DLAT: variants seen among roughly 807,000 people sequenced by gnomAD.
DLAT encodes dihydrolipoyllysine-residue acetyltransferase component of pyruvate dehydrogenase complex, mitochondrial.
In DLAT, 43 loss-of-function variants were observed where a neutral mutation model predicts 68.0. The observed-to-expected ratio is 0.63, with a 90% CI of 0.50 to 0.81. The LOEUF (loss-of-function observed/expected upper bound fraction) is 0.81. DLAT is among the 40% of genes least tolerant of loss of function. The pLI is 0.00. For missense variants in DLAT, 745 were observed against 815.4 expected (o/e 0.91, Z 1.05); for synonymous variants, 265 against 288.6 (o/e 0.92, Z 0.83).
intron 10 of DLAT, among the ~76,000 whole-genome samples, chr11:112,046,260 C>T (rs1215209187): frequency 6.6e-6 from 1 of 151,966 alleles, no homozygotes; most frequent in Non-Finnish European, 1.5e-5. Context: ...TTCTTATATT[C>T]AGGTCTTTGC....
intron 8 of DLAT, 97 bp from the exon 9 acceptor site, chr11:112,045,041 C>CCA (rs1555181320): frequency 6.3e-6 from 5 of 790,026 alleles, no homozygotes; most frequent in Non-Finnish European, 1.1e-5. Flanking sequence ...TCTCAAAAGA[C>CCA]AAAAAAAAAA....
At chr11:112,047,152 G>A (rs186726606) in intron 10 of DLAT, among the ~76,000 whole-genome samples, 3 of 152,090 alleles carry the variant, frequency 2.0e-5, no homozygotes, top group Non-Finnish European at 4.4e-5. Flanking sequence ...TTTAGTGATC[G>A]CCATTGTAAC....
chr11:112,027,349 G>A lies in DLAT; in HGVS notation c.381+1050G>A, dbSNP rs1476087651. Among the ~76,000 whole-genome samples the A allele has an allele frequency of 2.1e-3, 312 of 149,742 alleles. 4 individuals are homozygous for A. The highest frequency in any genetic ancestry group is 6.5e-3 in the African/African-American group (261 of 39,984). On this transcript the variant is annotated intron_variant, in intron 2 of 13. Coordinates refer to ENST00000280346, the MANE Select transcript of DLAT (RefSeq NM_001931.5). The stretch of plus-strand genomic sequence containing the variant: ...CCCACATCTCAGACGATGGGCGGCC[G>A]GGCAGAGGCGCTCCTCACTTCCTAG...
At chr11:112,036,185 GTGTGTGTGTGTGTGTGTTTTTTTTTTTTT>G (rs1862736706) in intron 5 of DLAT, among the ~76,000 whole-genome samples, 1 of 72,910 alleles carries the variant, frequency 1.4e-5, no homozygotes, top group African/African-American at 5.8e-5. Context: ...GTGTGTGTGT[GTGTGTGTGTGTGTGTGTTTTTTTTTTTTT>G]TTTTTTTTTT....
intron 5 of DLAT, among the ~76,000 whole-genome samples, chr11:112,033,782 A>G (rs1240938347): frequency 6.6e-6 from 1 of 152,012 alleles, no homozygotes; most frequent in Non-Finnish European, 1.5e-5. Context: ...CGGTGGCAAG[A>G]TCATAGCTCA....
In DLAT at chr11:112,027,144, G is replaced by A. The variant is rs587712423; in HGVS notation, c.381+845G>A. 1.9e-4 allele frequency among the ~76,000 whole-genome samples: 29 copies of A among 151,608 alleles called. No individual in the cohort carries two copies. In the East Asian group the frequency reaches 5.3e-3, roughly 28 times the overall value. ...CGGAGGGGCTCCTCACTTCTCAGACGGGGTGGCTGCCGGGCGGAGGGGCTC... is the reference window on the plus strand; with the variant it reads ...CGGAGGGGCTCCTCACTTCTCAGACAGGGTGGCTGCCGGGCGGAGGGGCTC... On this transcript the variant is annotated intron_variant, in intron 2 of 13. Coordinates refer to ENST00000280346, the MANE Select transcript of DLAT (RefSeq NM_001931.5).
At chr11:112,057,930 C>G (rs1555182744) in intron 11 of DLAT, among the ~76,000 whole-genome samples, 1 of 152,104 alleles carries the variant, frequency 6.6e-6, no homozygotes, top group Non-Finnish European at 1.5e-5. Flanking sequence ...TTTTGTTAGT[C>G]ACGATGCTAT....
At chr11:112,026,609 C>T (rs1163314107) in intron 2 of DLAT, among the ~76,000 whole-genome samples, 3 of 152,270 alleles carry the variant, frequency 2.0e-5, no homozygotes, top group African/African-American at 7.2e-5. Flanking sequence ...TGAGTGGACA[C>T]AGCACATGTT....
chr11:112,057,630 T>C lies in DLAT; in HGVS notation c.1515-2273T>C, dbSNP rs141027864. 1.5e-4 allele frequency among the ~76,000 whole-genome samples: 23 copies of C among 152,300 alleles called. No individual in the cohort carries two copies. The East Asian group carries it at 4.2e-3, about 28-fold the overall frequency. ...AGAGCAAGGCCCTAACTCTCTTCAA[T>C]TCTTTGAAGGCTGATAGAGGTGAGG... On this transcript the variant is annotated intron_variant, in intron 11 of 13. Coordinates refer to ENST00000280346, the MANE Select transcript of DLAT (RefSeq NM_001931.5).
At chr11:112,028,311 C>T (rs587650222) in intron 2 of DLAT, among the ~76,000 whole-genome samples, 326 of 150,604 alleles carry the variant, frequency 2.2e-3, no homozygotes, top group Admixed American at 3.9e-3. Context: ...CCCAGCTACT[C>T]GGGAGGCTGA....
chr11:112,047,604 C>T (rs797042052), intron 10 of DLAT, among the ~76,000 whole-genome samples: 4 of 152,118 alleles, frequency 2.6e-5, no homozygotes, highest in African/African-American at 4.8e-5. Flanking sequence ...TTAGGTCTTA[C>T]GTTTAAGTCT....
rs200786104 is a variant in DLAT at position 112,028,620 on chromosome 11, A to G, written c.487A>G (p.Ile163Val). The part of the protein sequence containing the change: ...GTRDVPIGAI[I>V]CITVGKPEDI... ...CAGGGATGTTCCCATCGGAGCGATCATCTGTATCACAGTTGGCAAGTGAGT... is the reference window on the plus strand; with the variant it reads ...CAGGGATGTTCCCATCGGAGCGATCGTCTGTATCACAGTTGGCAAGTGAGT... The change falls in exon 3 of 14, where the codon ATC becomes GTC. Residue 163 changes from isoleucine (I) to valine (V), a missense_variant. Ile to Val is a conservative substitution (Grantham distance 29, BLOSUM62 3). Coordinates refer to ENST00000280346, the MANE Select transcript of DLAT (RefSeq NM_001931.5). 22 of 1,614,202 alleles carry G rather than the reference A, an allele frequency of 1.4e-5. No individual in the cohort carries two copies. The highest frequency in any genetic ancestry group is 2.2e-5 in the East Asian group (1 of 44,888).
chr11:112,057,990 A>C (rs1225253113), intron 11 of DLAT, among the ~76,000 whole-genome samples: 3 of 152,218 alleles, frequency 2.0e-5, no homozygotes, highest in Non-Finnish European at 4.4e-5. Flanking sequence ...TTTTGTATGT[A>C]CTAGGAGATC....
At chr11:112,046,768 C>T (rs1374738035) in intron 10 of DLAT, among the ~76,000 whole-genome samples, 1 of 152,098 alleles carries the variant, frequency 6.6e-6, no homozygotes, top group East Asian at 1.9e-4. Context: ...TTTCCAGCTT[C>T]ATCCATGTCC....
rs782430826 is a variant in DLAT at position 112,063,615 on chromosome 11, A to C, written c.*1080A>C. On this transcript the variant is annotated 3_prime_UTR_variant, in exon 14 of 14. Coordinates refer to ENST00000280346, the MANE Select transcript of DLAT (RefSeq NM_001931.5). ...GTAAAAAAGTTAAATGTGTGTAAAA[A>C]AGTGTTCTGTGTCCTTCTACTCCAG... The C allele has an allele frequency of 6.6e-6, 1 of 152,328 alleles. No homozygotes were observed. Among genetic ancestry groups the C allele is most frequent in the Non-Finnish European group, 1.5e-5 (1 of 67,998 alleles). The allele number at this position is 152,328 out of a possible 1,614,324, so 9.4% of individuals were successfully genotyped here.
chr11:112,034,016 T>TCCTGGC (rs1592671240), intron 5 of DLAT, among the ~76,000 whole-genome samples: 1 of 152,152 alleles, frequency 6.6e-6, no homozygotes, highest in African/African-American at 2.4e-5. Context: ...GAGCCCCTGT[T>TCCTGGC]CCTGGCCCAG....
rs782349506 is a variant in DLAT at position 112,062,451 on chromosome 11, C to T, written c.1860C>T (p.His620=). Residue 620 remains histidine (H), a synonymous_variant, in exon 14 of 14, where the codon CAC becomes CAT. Coordinates refer to ENST00000280346, the MANE Select transcript of DLAT (RefSeq NM_001931.5). ...SMMSVTLSCD[H]RVVDGAVGAQ... The stretch of plus-strand genomic sequence containing the variant: ...TGTCTGTTACACTCAGTTGTGATCA[C>T]CGGGTGGTGGATGGAGCAGTTGGAG... 2.5e-6 allele frequency: 4 copies of T among 1,612,604 alleles called. No individual in the cohort carries two copies. The African/African-American group carries it at 5.3e-5, about 22-fold the overall frequency.
At position 112,027,837 on chromosome 11, in the gene DLAT, C is replaced by T. The variant is rs980193663; in HGVS notation, c.382-678C>T. Among the ~76,000 whole-genome samples the T allele has an allele frequency of 4.9e-5, 7 of 142,650 alleles. No individual in the cohort carries two copies. In the South Asian group the frequency reaches 9.2e-4, roughly 19 times the overall value. The allele number at this position is 142,650 out of a possible 152,430, so 93.6% of individuals were successfully genotyped here. On this transcript the variant is annotated intron_variant, in intron 2 of 13. Transcript: ENST00000280346. ...ATCAGGCAGGGAGGTTGCAGTGAGC[C>T]GAGAAGGCAGCAGTACAGTCCAGCT...
At chr11:112,045,076 T>A in intron 8 of DLAT, 62 bp from the exon 9 acceptor site, 1 of 1,324,816 alleles carries the variant, frequency 7.5e-7, no homozygotes, top group East Asian at 2.3e-5. Context: ...TGGCAGTCTT[T>A]CCCAGGTACT....
Sources: allele counts gnomAD v4.1 joint callset (sites outside exome capture counted in the v4.1 genomes callset), GRCh38; gene constraint gnomAD v4.1.1; transcripts MANE v1.5; gene names NCBI Gene and HGNC (gene_info 2026-07-23, HGNC 2026-07-21).